The following PCDH15 variants were observed in gnomAD, a reference collection of about 807,000 sequenced individuals.
The protein encoded by PCDH15 is protocadherin-15.
A neutral mutation model predicts 178.5 loss-of-function variants in PCDH15; 129 were observed. The ratio of observed to expected loss-of-function variants is 0.72; its 90% CI spans 0.63 to 0.84. The LOEUF (loss-of-function observed/expected upper bound fraction) is 0.84. PCDH15 is among the 40% of genes least tolerant of loss of function. PCDH15 has a pLI of 0.00. For synonymous variants in PCDH15, 800 were observed against 732.0 expected, an observed-to-expected ratio of 1.09 and a Z score of -1.50; for missense variants, 2,230 against 2,099.9, an observed-to-expected ratio of 1.06 and a Z score of -1.21.
intron 16 of PCDH15, among the ~76,000 whole-genome samples, chr10:54,080,695 TA>T (rs1319752957): frequency 3.3e-5 from 5 of 152,176 alleles, no homozygotes; most frequent in Admixed American, 2.0e-4. Flanking sequence ...GTGGACTTTT[TA>T]AAAAGTTCTG....
chr10:54,026,454 T>C (rs926875959), intron 18 of PCDH15, among the ~76,000 whole-genome samples: 13 of 152,236 alleles, frequency 8.5e-5, no homozygotes, highest in East Asian at 1.9e-4. Context: ...TCCTCACCAA[T>C]AGAGTTTCAG....
intron 17 of PCDH15, among the ~76,000 whole-genome samples, chr10:54,068,305 T>C (rs1332977564): frequency 6.6e-6 from 1 of 152,196 alleles, no homozygotes; most frequent in Non-Finnish European, 1.5e-5. Context: ...ATTTCTTTAT[T>C]TGTATGTTGG....
At chr10:55,123,215 A>G (rs536343518) in intron 2 of PCDH15, among the ~76,000 whole-genome samples, 1 of 152,134 alleles carries the variant, frequency 6.6e-6, no homozygotes, top group East Asian at 1.9e-4. Context: ...AAAAAACATG[A>G]ATATTATAGT....
intron 8 of PCDH15, among the ~76,000 whole-genome samples, chr10:54,281,388 T>C (rs1219654577): frequency 6.6e-6 from 1 of 151,992 alleles, no homozygotes; most frequent in Non-Finnish European, 1.5e-5. Flanking sequence ...GATTTGTGGA[T>C]ATGACAACAA....
chr10:53,872,805 C>A (rs1000758441), intron 26 of PCDH15, among the ~76,000 whole-genome samples: 1 of 152,118 alleles, frequency 6.6e-6, no homozygotes. Context: ...AGCTCTAATT[C>A]CCATAAAATT....
chr10:53,888,300 A>ACG (rs749710192), intron 26 of PCDH15, among the ~76,000 whole-genome samples: 2 of 82,020 alleles, frequency 2.4e-5, no homozygotes, highest in East Asian at 7.5e-4. Context: ...ACATATATAT[A>ACG]TATATATATG....
intron 3 of PCDH15, among the ~76,000 whole-genome samples, chr10:54,812,552 C>T (rs549661871): frequency 2.0e-5 from 3 of 152,026 alleles, no homozygotes; most frequent in East Asian, 3.9e-4. Flanking sequence ...TCCGCCTCCC[C>T]GGTTCAAGTG....
At chr10:54,752,476 C>CAAAAAAAAAAAAAAAAAAAAA (rs755874514) in intron 1 of PCDH15, among the ~76,000 whole-genome samples, 1 of 89,780 alleles carries the variant, frequency 1.1e-5, no homozygotes. Flanking sequence ...GACTCCGTCT[C>CAAAAAAAAAAAAAAAAAAAAA]AAAAAAAAAA....
At chr10:54,220,667 T>C (rs1031784433) in intron 9 of PCDH15, among the ~76,000 whole-genome samples, 3 of 151,784 alleles carry the variant, frequency 2.0e-5, no homozygotes, top group Non-Finnish European at 4.4e-5. Flanking sequence ...CTACTAAAAA[T>C]ACAAAAAATT....
chr10:53,817,104 C>CT (rs1342713087), intron 34 of PCDH15, among the ~76,000 whole-genome samples: 1 of 152,160 alleles, frequency 6.6e-6, no homozygotes, highest in Non-Finnish European at 1.5e-5. Context: ...ACTGTTTAAA[C>CT]TGGCTAGTAG....
At chr10:54,259,106 A>G (rs2057130291) in intron 8 of PCDH15, among the ~76,000 whole-genome samples, 1 of 150,400 alleles carries the variant, frequency 6.6e-6, no homozygotes, top group Non-Finnish European at 1.5e-5. Context: ...AAATTACTTT[A>G]AAGGTAATCT....
At chr10:55,476,961 G>A (rs1025110445) in intron 2 of PCDH15, among the ~76,000 whole-genome samples, 5 of 151,868 alleles carry the variant, frequency 3.3e-5, no homozygotes, top group Middle Eastern at 6.4e-3. Context: ...TCATGATGGT[G>A]TTGGCCCCAT....
intron 2 of PCDH15, among the ~76,000 whole-genome samples, chr10:54,614,565 A>G (rs1043557694): frequency 2.6e-5 from 4 of 152,068 alleles, no homozygotes; most frequent in African/African-American, 9.7e-5. Context: ...ATAATTTTAT[A>G]TTACAATTGT....
chr10:55,444,143 G>A (rs1037533912), intron 2 of PCDH15, among the ~76,000 whole-genome samples: 18 of 151,784 alleles, frequency 1.2e-4, no homozygotes, highest in Non-Finnish European at 2.4e-4. Flanking sequence ...GGGGGGTGGG[G>A]GGTAAGGGGA....
At chr10:55,513,229 G>C (rs1397742682) in intron 2 of PCDH15, 1 of 152,102 alleles carries the variant, frequency 6.6e-6, no homozygotes, top group Non-Finnish European at 1.5e-5. Context: ...AGTGTTTTCT[G>C]TATTCAGGCT....
At chr10:54,028,614 A>G (rs1406865705) in intron 18 of PCDH15, among the ~76,000 whole-genome samples, 1 of 148,854 alleles carries the variant, frequency 6.7e-6, no homozygotes, top group East Asian at 2.0e-4. Flanking sequence ...AGCCATAAAA[A>G]ATGATGAGTT....
intron 25 of PCDH15, among the ~76,000 whole-genome samples, chr10:53,930,810 AC>A (rs2084995670): frequency 6.6e-6 from 1 of 151,774 alleles, no homozygotes. Flanking sequence ...TTGAAACTGA[AC>A]TCCCATCTCC....
At chr10:55,561,362 A>G (rs947976516) in intron 2 of PCDH15, among the ~76,000 whole-genome samples, 2 of 151,888 alleles carry the variant, frequency 1.3e-5, no homozygotes, top group African/African-American at 2.4e-5. Context: ...ATCACAGCAA[A>G]CAAAACTTTG....
In PCDH15 at chr10:55,134,342, GTAA is replaced by G. The variant is rs1416544441; in HGVS notation, c.-80+32231_-80+32233del. On this transcript the variant is annotated intron_variant, in intron 2 of 5. Coordinates refer to the PCDH15 transcript ENST00000458638. ...TATTTGCCCAAGTATTATTTTCTCA[GTAA>G]GACAAATTAGTGACCTTCACTCCTC... is the stretch of plus-strand genomic sequence containing the variant. Among the ~76,000 whole-genome samples, 9 of 152,210 alleles carry G rather than the reference GTAA, an allele frequency of 5.9e-5. No individual in the cohort carries two copies. In the South Asian group the frequency reaches 1.7e-3, roughly 28 times the overall value.
Sources: allele counts gnomAD v4.1 joint callset (sites outside exome capture counted in the v4.1 genomes callset), GRCh38; gene constraint gnomAD v4.1.1; transcripts MANE v1.5; gene names NCBI Gene and HGNC (gene_info 2026-07-23, HGNC 2026-07-21).